Variants in CA10 observed in about 807,000 individuals in gnomAD.
The protein encoded by CA10 is carbonic anhydrase 10 (inactive).
CA10 carries 14 observed loss-of-function variants against 44.2 expected under a neutral mutation model. The ratio of observed to expected loss-of-function variants is 0.32; its 90% CI spans 0.21 to 0.50. The LOEUF is 0.50. Among genes scored for constraint, CA10 ranks in the 20% least tolerant of loss-of-function variants. The pLI is 0.99. For synonymous variants in CA10, 159 were observed against 141.6 expected (o/e 1.12, Z -0.87); for missense variants, 350 against 409.7 (o/e 0.85, Z 1.26).
intron 3 of CA10, among the ~76,000 whole-genome samples, chr17:51,883,986 A>C (rs1192970883): frequency 6.6e-6 from 1 of 152,178 alleles, no homozygotes; most frequent in African/African-American, 2.4e-5. Flanking sequence ...CAAAATGATA[A>C]AGGATAACTT....
chr17:51,817,466 T>C (rs1403929739), intron 3 of CA10, among the ~76,000 whole-genome samples: 4 of 152,068 alleles, frequency 2.6e-5, no homozygotes, highest in African/African-American at 9.7e-5. Context: ...GCAGACTCTT[T>C]ATGCAGATAA....
chr17:52,121,026 C>A (rs1989004311), intron 1 of CA10, among the ~76,000 whole-genome samples: 1 of 152,176 alleles, frequency 6.6e-6, no homozygotes, highest in Non-Finnish European at 1.5e-5. Flanking sequence ...ACATATTAAC[C>A]TGGATACCTT....
chr17:51,760,397 C>T (rs543191278), intron 3 of CA10, among the ~76,000 whole-genome samples: 1 of 152,312 alleles, frequency 6.6e-6, no homozygotes, highest in Non-Finnish European at 1.5e-5. Flanking sequence ...TGAAGACAGC[C>T]ACAGTGGTCA....
intron 4 of CA10, among the ~76,000 whole-genome samples, chr17:51,729,767 T>A (rs1916653150): frequency 6.6e-6 from 1 of 152,204 alleles, no homozygotes; most frequent in African/African-American, 2.4e-5. Flanking sequence ...ACCTCATACA[T>A]CTCTGCTTTC....
chr17:52,042,253 G>A (rs984195231), intron 2 of CA10, among the ~76,000 whole-genome samples: 2 of 151,844 alleles, frequency 1.3e-5, no homozygotes, highest in African/African-American at 2.4e-5. Context: ...CCTCACCAAC[G>A]TTTGTTATCT....
At chr17:51,715,227 G>A (rs538856874) in intron 4 of CA10, among the ~76,000 whole-genome samples, 2 of 151,934 alleles carry the variant, frequency 1.3e-5, no homozygotes, top group African/African-American at 2.4e-5. Context: ...GGGGTGGGGG[G>A]TGGAGGGAGG....
chr17:52,088,959 A>G (rs960021027), intron 1 of CA10, among the ~76,000 whole-genome samples: 1 of 152,226 alleles, frequency 6.6e-6, no homozygotes, highest in Admixed American at 6.5e-5. Context: ...TGCTTTCATC[A>G]TGGTGGCCAG....
At chr17:51,834,863 G>A (rs1025298212) in intron 3 of CA10, among the ~76,000 whole-genome samples, 1 of 152,182 alleles carries the variant, frequency 6.6e-6, no homozygotes, top group African/African-American at 2.4e-5. Context: ...CCATCCTAGT[G>A]TCATGCAAAA....
At chr17:52,108,194 T>TTTATATATA (rs1988705947) in intron 1 of CA10, among the ~76,000 whole-genome samples, 1 of 58,002 alleles carries the variant, frequency 1.7e-5, no homozygotes, top group African/African-American at 1.4e-4. Flanking sequence ...TATATATTTT[T>TTTATATATA]TATATATATA....
intron 4 of CA10, among the ~76,000 whole-genome samples, chr17:51,708,260 G>A (rs1315084868): frequency 6.6e-6 from 1 of 152,208 alleles, no homozygotes; most frequent in Non-Finnish European, 1.5e-5. Context: ...GGGCACAGGT[G>A]CTGGATGGCA....
At chr17:51,632,805 G>C (rs758238507) in intron 8 of CA10, among the ~76,000 whole-genome samples, 16 of 152,302 alleles carry the variant, frequency 1.1e-4, no homozygotes, top group Admixed American at 2.6e-4. Flanking sequence ...ATGTTTAGTA[G>C]TAAGCAGAAG....
Position 51,958,257 on chromosome 17 carries a change from G to GTTT in CA10, c.137-27128_137-27126dup, listed in dbSNP as rs56021809. ...GTATGATTCTACTGAAAATAACTGA[G>GTTT]TTTTTTTTTTTTTTTTGATAATTGG... On this transcript the variant is annotated intron_variant, in intron 2 of 8. Transcript: ENST00000451037. Among the ~76,000 whole-genome samples, 5 of 146,648 alleles carry GTTT rather than the reference G, an allele frequency of 3.4e-5. No individual in the cohort carries two copies. The South Asian group carries it at 8.9e-4, about 26-fold the overall frequency.
intron 3 of CA10, among the ~76,000 whole-genome samples, chr17:51,819,683 G>T (rs1489633023): frequency 6.6e-6 from 1 of 152,212 alleles, no homozygotes; most frequent in Non-Finnish European, 1.5e-5. Flanking sequence ...CCCAAAGCCT[G>T]TGCTCATATT....
intron 2 of CA10, among the ~76,000 whole-genome samples, chr17:51,954,266 T>G (rs1479484436): frequency 7.9e-5 from 12 of 152,198 alleles, no homozygotes; most frequent in African/African-American, 2.7e-4. Flanking sequence ...AAATTTTTAT[T>G]GTTTTGAGGA....
chr17:51,822,117 A>G (rs1907824751), intron 3 of CA10, among the ~76,000 whole-genome samples: 1 of 152,044 alleles, frequency 6.6e-6, no homozygotes, highest in Non-Finnish European at 1.5e-5. Flanking sequence ...CTTTGCTCAT[A>G]TCTCATATTA....
At chr17:51,737,744 T>C (rs1298490002) in intron 4 of CA10, among the ~76,000 whole-genome samples, 3 of 152,102 alleles carry the variant, frequency 2.0e-5, no homozygotes, top group Non-Finnish European at 2.9e-5. Context: ...CTTCCCTTAG[T>C]GTGTTTGTCC....
At chr17:51,684,152 A>G (rs1403316006) in intron 4 of CA10, among the ~76,000 whole-genome samples, 8 of 152,226 alleles carry the variant, frequency 5.3e-5, no homozygotes, top group African/African-American at 1.4e-4. Flanking sequence ...GGGAGAGCAC[A>G]GAAGATGTAA....
chr17:52,070,305 A>G (rs1384337406), intron 2 of CA10: 1 of 147,756 alleles, frequency 6.8e-6, no homozygotes. Flanking sequence ...CCTTACACAC[A>G]TTATTACACT....
intron 3 of CA10, among the ~76,000 whole-genome samples, chr17:51,914,308 G>A (rs956954209): frequency 7.2e-5 from 11 of 152,108 alleles, no homozygotes; most frequent in African/African-American, 1.7e-4. Flanking sequence ...CATACATATC[G>A]TGACCTAGAA....
Sources: allele counts gnomAD v4.1 joint callset (sites outside exome capture counted in the v4.1 genomes callset), GRCh38; gene constraint gnomAD v4.1.1; transcripts MANE v1.5; gene names NCBI Gene and HGNC (gene_info 2026-07-23, HGNC 2026-07-21).